The following TMIE variants were observed in gnomAD, a reference collection of about 807,000 sequenced individuals.
The protein encoded by TMIE is transmembrane inner ear expressed protein.
Under a neutral mutation model 16.8 loss-of-function variants are expected in TMIE, and 14 were observed. The ratio of observed to expected loss-of-function variants is 0.83; its 90% CI spans 0.55 to 1.30. TMIE has a LOEUF of 1.30. TMIE is among the 50% of genes most tolerant of loss of function. The pLI, the probability that TMIE is intolerant of heterozygous loss-of-function variation, is 0.00. For synonymous variants in TMIE, 75 were observed against 87.2 expected (o/e 0.86, Z 0.78); for missense variants, 204 against 205.9 (o/e 0.99, Z 0.06).
At position 46,705,790 on chromosome 3, in the gene TMIE, C is replaced by T; in HGVS notation, c.94C>T (p.Pro32Ser). Residue 32 changes from proline to serine, a missense_variant and splice_region_variant, in exon 2 of 4, where the codon CCC (proline) becomes TCC (serine). By Grantham distance (74) the Pro-to-Ser change is moderately conservative. Transcript: ENST00000643606. ...LAGVAGQLVEPSTAPPKPKPP... is the reference protein window; with the variant it reads ...LAGVAGQLVESSTAPPKPKPP... ...CACTCCCCTCTCTCCTGACCCACAGCCCAGCACGGCCCCACCCAAGCCCAA... is the reference window on the plus strand; with the variant it reads ...CACTCCCCTCTCTCCTGACCCACAGTCCAGCACGGCCCCACCCAAGCCCAA... 1 of 1,613,752 alleles carries T rather than the reference C, an allele frequency of 6.2e-7. No individual in the cohort carries two copies.
intron 1 of TMIE, among the ~76,000 whole-genome samples, chr3:46,702,066 G>T (rs1188290322): frequency 6.6e-6 from 1 of 152,124 alleles, no homozygotes; most frequent in East Asian, 1.9e-4. Flanking sequence ...TAATGGAGGG[G>T]GAGACATAGC....
intron 2 of TMIE, among the ~76,000 whole-genome samples, chr3:46,707,818 C>T (rs1026578909): frequency 6.6e-6 from 1 of 152,210 alleles, no homozygotes; most frequent in Non-Finnish European, 1.5e-5. Context: ...CTGCATGGAG[C>T]CTGAGTGGGC....
At chr3:46,696,121 A>G (rs1295526929) in intron 1 of TMIE, among the ~76,000 whole-genome samples, 1 of 152,136 alleles carries the variant, frequency 6.6e-6, no homozygotes, top group Admixed American at 6.5e-5. Flanking sequence ...ACAATTCCAC[A>G]GTCAGGGAAT....
In TMIE at chr3:46,710,438, A is replaced by G. The variant is rs1490777697; in HGVS notation, c.*750A>G. On this transcript the variant is annotated 3_prime_UTR_variant, in exon 4 of 4. Transcript: ENST00000643606. ...TCAGGGGTACACAGAGCTAAGGCCAATGGGCTAGAGGGTGCCGGAAAGAGA... is the reference window on the plus strand; with the variant it reads ...TCAGGGGTACACAGAGCTAAGGCCAGTGGGCTAGAGGGTGCCGGAAAGAGA... 3.9e-5 allele frequency: 6 copies of G among 154,754 alleles called. No homozygotes were observed. Among genetic ancestry groups the G allele is most frequent in the African/African-American group, 7.2e-5 (3 of 41,482 alleles). 9.6% of individuals were successfully genotyped at this position (154,754 alleles called of 1,614,324 possible). A position where few individuals can be genotyped will look rare whatever the true frequency, so the allele number is the denominator to read the frequency against.
upstream of TMIE, among the ~76,000 whole-genome samples, chr3:46,699,031 G>A (rs369653473): frequency 2.3e-4 from 34 of 144,918 alleles, no homozygotes; most frequent in African/African-American, 8.3e-4. Context: ...GGCACAAAAG[G>A]AAACTTAAAC....
chr3:46,704,243 A>T (rs552304284), intron 1 of TMIE, among the ~76,000 whole-genome samples: 1 of 144,730 alleles, frequency 6.9e-6, no homozygotes, highest in East Asian at 2.1e-4. Context: ...ATGTCCCTAG[A>T]CACCCAGGGT....
intron 2 of TMIE, among the ~76,000 whole-genome samples, chr3:46,708,137 C>G (rs1191504853): frequency 6.6e-6 from 1 of 152,192 alleles, no homozygotes; most frequent in Non-Finnish European, 1.5e-5. Context: ...TTCATTCATT[C>G]ATTGATTTTT....
intron 3 of TMIE, 86 bp from the exon 4 acceptor site, chr3:46,709,493 G>A: frequency 1.2e-6 from 2 of 1,613,366 alleles, no homozygotes; most frequent in Non-Finnish European, 1.7e-6. Context: ...GAGTGTAGGA[G>A]GTTCTGGGGC....
intron 1 of TMIE, among the ~76,000 whole-genome samples, chr3:46,702,069 G>C (rs984321140): frequency 2.0e-5 from 3 of 152,162 alleles, no homozygotes; most frequent in Non-Finnish European, 4.4e-5. Flanking sequence ...TGGAGGGGGA[G>C]ACATAGCCTT....
At chr3:46,700,314 G>A (rs553949933), upstream of TMIE, among the ~76,000 whole-genome samples, 16 of 152,278 alleles carry the variant, frequency 1.1e-4, no homozygotes, top group East Asian at 1.7e-3. Flanking sequence ...GTGGCCCTCC[G>A]CTCCCTGCTG....
At chr3:46,700,259 G>A (rs930558135), upstream of TMIE, among the ~76,000 whole-genome samples, 6 of 152,138 alleles carry the variant, frequency 3.9e-5, no homozygotes, top group African/African-American at 1.2e-4. Context: ...TCGTTTTCCT[G>A]CCTGGCTGTC....
chr3:46,700,521 G>T (rs964436629), upstream of TMIE, among the ~76,000 whole-genome samples: 2 of 152,174 alleles, frequency 1.3e-5, no homozygotes, highest in East Asian at 3.9e-4. Flanking sequence ...ACACTCAGCA[G>T]CAGGAGATAA....
intron 2 of TMIE, among the ~76,000 whole-genome samples, chr3:46,708,482 C>T (rs1700579077): frequency 6.6e-6 from 1 of 152,228 alleles, no homozygotes; most frequent in Non-Finnish European, 1.5e-5. Flanking sequence ...CCTACCCATC[C>T]CTAGACAGGC....
At chr3:46,695,061 C>T (rs1000295317) in intron 1 of TMIE, among the ~76,000 whole-genome samples, 11 of 152,152 alleles carry the variant, frequency 7.2e-5, no homozygotes. Flanking sequence ...GGAAAGCCTC[C>T]CCTCCCCATG....
chr3:46,705,954 C>T (rs780281480), intron 2 of TMIE, 47 bp downstream of exon 2: 1 of 1,564,772 alleles, frequency 6.4e-7, no homozygotes, highest in East Asian at 2.2e-5. Flanking sequence ...AGTGGGAACA[C>T]AGCACCCCCT....
upstream of TMIE, chr3:46,701,366 A>C (rs1276230946): frequency 4.2e-6 from 3 of 722,736 alleles, no homozygotes; most frequent in Non-Finnish European, 6.2e-6. This position sits in a 1 kb window ranked among gnomAD's most constrained non-coding sequence, Gnocchi z 4.3. Context: ...AGGATGAATA[A>C]ATGATGCTCG....
intron 2 of TMIE, among the ~76,000 whole-genome samples, chr3:46,706,881 G>A (rs562418414): frequency 1.3e-5 from 2 of 152,332 alleles, no homozygotes; most frequent in East Asian, 3.9e-4. Context: ...GTCCCAGCCG[G>A]AGCTGTCCCG....
At chr3:46,694,187 C>T (rs1367418876), upstream of TMIE, among the ~76,000 whole-genome samples, 1 of 152,172 alleles carries the variant, frequency 6.6e-6, no homozygotes, top group Non-Finnish European at 1.5e-5. Flanking sequence ...CCCTGCGGCC[C>T]CCTGGGCTGG....
chr3:46,695,578 G>A (rs1286803494), intron 1 of TMIE, among the ~76,000 whole-genome samples: 1 of 152,168 alleles, frequency 6.6e-6, no homozygotes, highest in Non-Finnish European at 1.5e-5. Flanking sequence ...CTGGAGAGTG[G>A]CCATGGCCTC....
Sources: allele counts gnomAD v4.1 joint callset (sites outside exome capture counted in the v4.1 genomes callset), GRCh38; gene constraint gnomAD v4.1.1; non-coding constraint Gnocchi (gnomAD v3.1); transcripts MANE v1.5; gene names NCBI Gene and HGNC (gene_info 2026-07-23, HGNC 2026-07-21).